Variants in WIPF2 observed in about 807,000 individuals in gnomAD.
WIPF2 encodes WAS/WASL-interacting protein family member 2.
Under a neutral mutation model 38.8 loss-of-function variants are expected in WIPF2, and 23 were observed. The observed-to-expected ratio is 0.59, with a 90% CI of 0.43 to 0.84. WIPF2 has a LOEUF of 0.84. WIPF2 is among the 40% of genes least tolerant of loss of function. The probability of loss-of-function intolerance (pLI) is 0.00; values close to 1 mark genes in which losing one functional copy is unlikely to be tolerated. For synonymous variants in WIPF2, 210 were observed against 223.2 expected, an observed-to-expected ratio of 0.94 and a Z score of 0.53; for missense variants, 574 against 580.5, an observed-to-expected ratio of 0.99 and a Z score of 0.11.
intron 1 of WIPF2, among the ~76,000 whole-genome samples, chr17:40,250,999 C>T (rs1338798602): frequency 2.0e-5 from 3 of 149,508 alleles, no homozygotes; most frequent in Non-Finnish European, 3.0e-5. Flanking sequence ...CTGCCAGCTC[C>T]GCCTCCTGGG....
chr17:40,250,938 GA>G (rs1481429758), intron 1 of WIPF2, among the ~76,000 whole-genome samples: 2 of 52,972 alleles, frequency 3.8e-5, no homozygotes, highest in African/African-American at 6.9e-5. Context: ...TTTTTTTTTT[GA>G]GTCTCGCTTT....
At chr17:40,255,436 C>G (rs1354298948) in intron 1 of WIPF2, among the ~76,000 whole-genome samples, 1 of 152,008 alleles carries the variant, frequency 6.6e-6, no homozygotes, top group African/African-American at 2.4e-5. Flanking sequence ...AGCGATTCTC[C>G]TGCCTCAGCC....
At chr17:40,246,044 C>G (rs954258284) in intron 1 of WIPF2, among the ~76,000 whole-genome samples, 2 of 151,378 alleles carry the variant, frequency 1.3e-5, no homozygotes, top group South Asian at 4.2e-4. Flanking sequence ...CCATTCCTTG[C>G]TGCATTTTCC....
chr17:40,259,220 T>G (rs1449994755), intron 2 of WIPF2, among the ~76,000 whole-genome samples: 1 of 150,866 alleles, frequency 6.6e-6, no homozygotes, highest in African/African-American at 2.4e-5. Flanking sequence ...AGGTTTAGAT[T>G]ATTGCTTGAG....
Position 40,260,542 on chromosome 17 carries a change from C to G in WIPF2, c.71C>G (p.Thr24Arg). Residue 24 changes from threonine (T) to arginine (R), a missense_variant, in exon 3 of 8, where the codon ACA becomes AGA. Transcript: ENST00000323571. ...PPPPTFHQAN[T>R]EQPKLSRDEQ... ...ATTTCTCTTATCCTCCAGGCAAACA[C>G]AGAGCAGCCCAAGCTGAGTAGAGAT... 2 of 1,613,816 alleles carry G rather than the reference C, an allele frequency of 1.2e-6. No homozygotes were observed. The highest frequency in any genetic ancestry group is 1.7e-6 in the Non-Finnish European group (2 of 1,179,942).
intron 5 of WIPF2, among the ~76,000 whole-genome samples, chr17:40,269,518 G>C (rs543197457): frequency 7.1e-6 from 1 of 140,352 alleles, no homozygotes; most frequent in Non-Finnish European, 1.5e-5. Context: ...CTCAAAACCC[G>C]CCCCCCCAAA....
At position 40,260,663 on chromosome 17, in the gene WIPF2, C is replaced by T. The variant is rs778308585; in HGVS notation, c.192C>T (p.Leu64=). The part of the protein sequence containing the change: ...TNINDRSAPI[L]EKPKGSSGGY... Reference sequence around the variant, plus strand: ...TTAATGATCGGAGTGCTCCCATCCTCGAGAGTGAGTCCGAGCTTCATTTCC... The same window carrying T: ...TTAATGATCGGAGTGCTCCCATCCTTGAGAGTGAGTCCGAGCTTCATTTCC... Residue 64 remains leucine, a synonymous_variant, in exon 3 of 8, where the codon CTC becomes CTT. Coordinates refer to ENST00000323571, the MANE Select transcript of WIPF2 (RefSeq NM_133264.5). 4 of 1,613,734 alleles carry T rather than the reference C, an allele frequency of 2.5e-6. No individual in the cohort carries two copies. Among genetic ancestry groups the T allele is most frequent in the Non-Finnish European group, 3.4e-6 (4 of 1,179,912 alleles).
At chr17:40,240,126 ATC>A (rs1289789621) in intron 1 of WIPF2, among the ~76,000 whole-genome samples, 1 of 151,008 alleles carries the variant, frequency 6.6e-6, no homozygotes, top group Non-Finnish European at 1.5e-5. Context: ...CAGTGGTGCA[ATC>A]TCAGCTCACT....
rs1184224478 is a variant in WIPF2 at position 40,282,941 on chromosome 17, C to T, written c.*4716C>T. 1 of 151,990 alleles carries T rather than the reference C, an allele frequency of 6.6e-6. No individual in the cohort carries two copies. Among genetic ancestry groups the T allele is most frequent in the Non-Finnish European group, 1.5e-5 (1 of 68,068 alleles). 9.4% of individuals were successfully genotyped at this position (151,990 alleles called of 1,614,324 possible). On this transcript the variant is annotated 3_prime_UTR_variant, in exon 8 of 8. Transcript: ENST00000323571. Reference sequence around the variant, plus strand: ...ATGGCTCATGTCTGTAATCCCAGCACTTTGGGAGGCCAAGGCGGGTGGATC... The same window carrying T: ...ATGGCTCATGTCTGTAATCCCAGCATTTTGGGAGGCCAAGGCGGGTGGATC...
intron 1 of WIPF2, among the ~76,000 whole-genome samples, chr17:40,249,919 G>A (rs963489575): frequency 2.7e-5 from 4 of 149,606 alleles, no homozygotes; most frequent in South Asian, 2.1e-4. Flanking sequence ...TGCAACCTCC[G>A]CCTCCCGGGT....
At chr17:40,278,052 C>T in intron 7 of WIPF2, 133 bp from the exon 8 acceptor site, 1 of 1,095,782 alleles carries the variant, frequency 9.1e-7, no homozygotes, top group African/African-American at 1.6e-5. Context: ...TTAGGCAAAA[C>T]AATAATAACA....
chr17:40,232,614 C>T (rs1473013267), intron 1 of WIPF2, among the ~76,000 whole-genome samples: 6 of 149,772 alleles, frequency 4.0e-5, no homozygotes, highest in East Asian at 2.0e-4. Flanking sequence ...CCACCGTGCC[C>T]GGCCAGTAAT....
At chr17:40,239,514 G>A (rs2031105678) in intron 1 of WIPF2, among the ~76,000 whole-genome samples, 1 of 152,044 alleles carries the variant, frequency 6.6e-6, no homozygotes, top group African/African-American at 2.4e-5. Context: ...ATAAGCCAGT[G>A]GCAGGTGTTT....
At chr17:40,224,406 ATTTTTT>A (rs67838907) in intron 1 of WIPF2, among the ~76,000 whole-genome samples, 49 of 89,104 alleles carry the variant, frequency 5.5e-4, no homozygotes, top group African/African-American at 1.4e-3. Flanking sequence ...GATTTTTTGT[ATTTTTT>A]TTTTTTTTTT....
At chr17:40,260,316 T>A (rs1384367783) in intron 2 of WIPF2, among the ~76,000 whole-genome samples, 9 of 150,888 alleles carry the variant, frequency 6.0e-5, no homozygotes, top group African/African-American at 2.2e-4. Flanking sequence ...GCCTCCTGAG[T>A]AGCTGGGATA....
intron 1 of WIPF2, among the ~76,000 whole-genome samples, chr17:40,250,219 GTTTTTTTTTTT>G (rs1170849046): frequency 8.0e-5 from 5 of 62,508 alleles, no homozygotes; most frequent in Non-Finnish European, 1.2e-4. Flanking sequence ...ATTTTATCAT[GTTTTTTTTTTT>G]TTTTTTTTTT....
intron 3 of WIPF2, among the ~76,000 whole-genome samples, chr17:40,262,231 C>T (rs1450866118): frequency 6.6e-6 from 1 of 152,024 alleles, no homozygotes; most frequent in Non-Finnish European, 1.5e-5. Flanking sequence ...TATAGGCATG[C>T]ATCACCATGC....
chr17:40,248,527 C>CT (rs1440648359), intron 1 of WIPF2, among the ~76,000 whole-genome samples: 1 of 152,168 alleles, frequency 6.6e-6, no homozygotes, highest in Non-Finnish European at 1.5e-5. Flanking sequence ...AGGCTGGTCT[C>CT]TAAGCACATT....
chr17:40,262,472 T>C (rs890200456), intron 3 of WIPF2, 53 bp from the exon 4 acceptor site: 2 of 1,415,528 alleles, frequency 1.4e-6, no homozygotes, highest in African/African-American at 1.4e-5. Context: ...ATGATTTACT[T>C]GGTCACCAGC....
Sources: gnomAD v4.1 joint callset for allele counts (sites outside exome capture counted in the v4.1 genomes callset) on GRCh38, gnomAD v4.1.1 for gene constraint, MANE v1.5 for transcripts, NCBI Gene and HGNC (gene_info 2026-07-23, HGNC 2026-07-21) for gene names.